The following DDX10 variants were observed in gnomAD, a reference collection of about 807,000 sequenced individuals.
DDX10 encodes the protein DEAD-box helicase 10.
A neutral mutation model predicts 104.3 loss-of-function variants in DDX10; 74 were observed. The ratio of observed to expected loss-of-function variants is 0.71; its 90% CI spans 0.59 to 0.86. The LOEUF (loss-of-function observed/expected upper bound fraction) is 0.86, where lower values mean the gene tolerates loss of function less well. Among genes scored for constraint, DDX10 ranks in the 40% least tolerant of loss-of-function variants. DDX10 has a pLI of 0.00. For synonymous variants in DDX10, 351 were observed against 353.4 expected, an observed-to-expected ratio of 0.99 and a Z score of 0.08; for missense variants, 952 against 1,040.0, an observed-to-expected ratio of 0.92 and a Z score of 1.16.
intron 13 of DDX10, chr11:108,730,038 G>GT (rs1183869021): frequency 6.5e-6 from 1 of 153,200 alleles, no homozygotes; most frequent in East Asian, 1.9e-4. Context: ...TGGGCATGAA[G>GT]TTCCACTTTG....
chr11:108,820,528 G>A (rs536982657), intron 13 of DDX10, among the ~76,000 whole-genome samples: 10 of 152,254 alleles, frequency 6.6e-5, no homozygotes, highest in African/African-American at 2.2e-4. Flanking sequence ...ATAAGTGGCC[G>A]GTCAAATGTA....
intron 16 of DDX10, among the ~76,000 whole-genome samples, chr11:108,898,499 G>A (rs1004325973): frequency 7.2e-5 from 11 of 152,006 alleles, no homozygotes; most frequent in Admixed American, 3.9e-4. Flanking sequence ...TGAGAGGGAC[G>A]CTTTATAACA....
intron 16 of DDX10, among the ~76,000 whole-genome samples, chr11:108,895,317 T>C (rs1591114702): frequency 1.3e-5 from 2 of 151,944 alleles, no homozygotes; most frequent in Admixed American, 6.6e-5. Context: ...ATTAGTTCCC[T>C]TGTGTTATAT....
intron 16 of DDX10, among the ~76,000 whole-genome samples, chr11:108,877,245 A>G (rs1266034934): frequency 6.6e-6 from 1 of 152,166 alleles, no homozygotes; most frequent in Non-Finnish European, 1.5e-5. Context: ...ATATAAATTT[A>G]TGTGGTTGCT....
chr11:108,685,274 G>A (rs1274845373), intron 6 of DDX10, among the ~76,000 whole-genome samples: 1 of 151,076 alleles, frequency 6.6e-6, no homozygotes, highest in Non-Finnish European at 1.5e-5. Flanking sequence ...CGCAATATTC[G>A]GGTGGGAGTG....
At chr11:108,699,736 G>A (rs78715292) in intron 9 of DDX10, among the ~76,000 whole-genome samples, 5,126 of 152,266 alleles carry the variant, frequency 0.034, 282 homozygotes, top group African/African-American at 0.12. Flanking sequence ...ATTATTGGGA[G>A]TTGTTTTATA....
chr11:108,708,366 A>G (rs1301639519), intron 10 of DDX10, among the ~76,000 whole-genome samples: 1 of 113,982 alleles, frequency 8.8e-6, no homozygotes, highest in Non-Finnish European at 1.7e-5. Flanking sequence ...TTTTTTTGGA[A>G]TGTTAAACCA....
At chr11:108,896,446 G>A (rs909195218) in intron 16 of DDX10, among the ~76,000 whole-genome samples, 2 of 151,820 alleles carry the variant, frequency 1.3e-5, no homozygotes, top group African/African-American at 4.8e-5. Flanking sequence ...TCTGTGGTGT[G>A]TTATTGTGAG....
rs774161646 is a variant in DDX10 at position 108,918,038 on chromosome 11, A to G, written c.2450+20A>G. Reference sequence around the variant, plus strand: ...AATAAGGTATGTTTTTACTATGGGTATGAAATACATACTTAGTACTCTCAC... The same window carrying G: ...AATAAGGTATGTTTTTACTATGGGTGTGAAATACATACTTAGTACTCTCAC... On this transcript the variant is annotated intron_variant, in intron 17 of 17. Transcript: ENST00000322536. 3.7e-6 allele frequency: 6 copies of G among 1,602,340 alleles called. No homozygotes were observed. The highest frequency in any genetic ancestry group is 1.1e-5 in the South Asian group (1 of 90,822).
At chr11:108,730,363 C>T (rs1640042774) in intron 13 of DDX10, among the ~76,000 whole-genome samples, 1 of 152,202 alleles carries the variant, frequency 6.6e-6, no homozygotes, top group African/African-American at 2.4e-5. Context: ...TCCCCTAACA[C>T]ACATCTCAGT....
intron 13 of DDX10, among the ~76,000 whole-genome samples, chr11:108,800,225 C>T (rs1372881364): frequency 2.1e-5 from 3 of 146,338 alleles, no homozygotes; most frequent in Non-Finnish European, 3.0e-5. Flanking sequence ...AGGCGGATCA[C>T]GAGGTCAGGA....
intron 16 of DDX10, among the ~76,000 whole-genome samples, chr11:108,872,054 A>G (rs1863089677): frequency 6.6e-6 from 1 of 152,256 alleles, no homozygotes; most frequent in Non-Finnish European, 1.5e-5. Flanking sequence ...AATTTACAAA[A>G]ATGACATTCA....
chr11:108,806,128 GT>G (rs1402881904), intron 13 of DDX10, among the ~76,000 whole-genome samples: 2 of 151,698 alleles, frequency 1.3e-5, no homozygotes, highest in African/African-American at 4.8e-5. Context: ...CGCCCGGCTA[GT>G]TTTTTTTATT....
intron 16 of DDX10, among the ~76,000 whole-genome samples, chr11:108,881,706 A>G (rs1167433447): frequency 6.6e-6 from 1 of 152,158 alleles, no homozygotes; most frequent in Non-Finnish European, 1.5e-5. Flanking sequence ...CATTCTGCAC[A>G]TGTTTAGGGT....
chr11:108,933,913 A>G (rs1159308322), intron 17 of DDX10, among the ~76,000 whole-genome samples: 1 of 152,162 alleles, frequency 6.6e-6, no homozygotes, highest in African/African-American at 2.4e-5. Flanking sequence ...TTCAAGAAAC[A>G]TGTATTAAGC....
intron 13 of DDX10, among the ~76,000 whole-genome samples, chr11:108,769,967 G>A (rs1477437393): frequency 1.3e-5 from 2 of 152,168 alleles, no homozygotes; most frequent in African/African-American, 4.8e-5. Flanking sequence ...GAAAGTGACA[G>A]CATTAGTTTT....
At chr11:108,749,200 G>A (rs565732059) in intron 13 of DDX10, among the ~76,000 whole-genome samples, 5 of 152,050 alleles carry the variant, frequency 3.3e-5, no homozygotes, top group South Asian at 2.1e-4. Flanking sequence ...GTGCCTGGCC[G>A]TATGTCTAGA....
intron 6 of DDX10, among the ~76,000 whole-genome samples, chr11:108,688,162 T>G (rs2094247270): frequency 6.6e-6 from 1 of 152,218 alleles, no homozygotes; most frequent in South Asian, 2.1e-4. Context: ...TTTTGCTTCA[T>G]AAATAATGCC....
intron 16 of DDX10, among the ~76,000 whole-genome samples, chr11:108,855,413 C>T (rs771667687): frequency 2.6e-5 from 4 of 152,092 alleles, no homozygotes; most frequent in African/African-American, 4.8e-5. Context: ...AGATCCTCAG[C>T]AATATCTCAC....
Sources: allele counts gnomAD v4.1 joint callset (sites outside exome capture counted in the v4.1 genomes callset), GRCh38; gene constraint gnomAD v4.1.1; transcripts MANE v1.5; gene names NCBI Gene and HGNC (gene_info 2026-07-23, HGNC 2026-07-21).